ZCCHC7: variants seen among roughly 807,000 people sequenced by gnomAD.
ZCCHC7 encodes the protein zinc finger CCHC-type containing 7.
Under a neutral mutation model 52.0 loss-of-function variants are expected in ZCCHC7, and 35 were observed. That is an observed-to-expected ratio of 0.67 (90% CI 0.51 to 0.89). ZCCHC7 has a LOEUF of 0.89. Ranked by LOEUF, ZCCHC7 falls within the 40% of genes least tolerant of loss-of-function variation. The pLI is 0.00. For missense variants in ZCCHC7, 574 were observed against 649.1 expected, an observed-to-expected ratio of 0.88 and a Z score of 1.26; for synonymous variants, 217 against 221.5, an observed-to-expected ratio of 0.98 and a Z score of 0.18.
chr9:37,198,751 A>G (rs1823425793), intron 2 of ZCCHC7, among the ~76,000 whole-genome samples: 1 of 152,212 alleles, frequency 6.6e-6, no homozygotes, highest in Non-Finnish European at 1.5e-5. Flanking sequence ...ATCTTAGGGA[A>G]GAGGTAGAGG....
intron 2 of ZCCHC7, among the ~76,000 whole-genome samples, chr9:37,137,444 G>A (rs914320792): frequency 2.6e-5 from 4 of 152,188 alleles, no homozygotes; most frequent in Admixed American, 6.5e-5. Context: ...ATATGTGGCT[G>A]GATGTGATGA....
At chr9:37,152,612 G>A (rs1820591217) in intron 2 of ZCCHC7, among the ~76,000 whole-genome samples, 1 of 152,092 alleles carries the variant, frequency 6.6e-6, no homozygotes, top group South Asian at 2.1e-4. Context: ...CCCAAATTAG[G>A]ATTTGTTTGA....
At chr9:37,340,408 C>CAA (rs80043124) in intron 6 of ZCCHC7, among the ~76,000 whole-genome samples, 9 of 136,624 alleles carry the variant, frequency 6.6e-5, no homozygotes, top group African/African-American at 2.3e-4. Context: ...TGTCTGCAAC[C>CAA]AAAAAAAAAA....
chr9:37,172,504 T>A (rs959922431), intron 2 of ZCCHC7, among the ~76,000 whole-genome samples: 1 of 152,204 alleles, frequency 6.6e-6, no homozygotes, highest in African/African-American at 2.4e-5. Flanking sequence ...AAGTTATTTT[T>A]AAAGGCATTT....
chr9:37,333,684 T>C (rs965763046), intron 6 of ZCCHC7, among the ~76,000 whole-genome samples: 1 of 151,830 alleles, frequency 6.6e-6, no homozygotes, highest in Non-Finnish European at 1.5e-5. Context: ...AAAGGAATTA[T>C]AGTTAGTCAT....
chr9:37,241,771 C>G (rs1825883251), intron 2 of ZCCHC7, among the ~76,000 whole-genome samples: 1 of 151,772 alleles, frequency 6.6e-6, no homozygotes, highest in Non-Finnish European at 1.5e-5. Flanking sequence ...AAGTGCCAGG[C>G]TGTTCATTCT....
chr9:37,155,048 A>C (rs908010974), intron 2 of ZCCHC7, among the ~76,000 whole-genome samples: 1 of 152,072 alleles, frequency 6.6e-6, no homozygotes, highest in Non-Finnish European at 1.5e-5. Context: ...TTCTGGCTAC[A>C]CTGGTTATTG....
chr9:37,329,271 G>A (rs80151813), intron 6 of ZCCHC7, among the ~76,000 whole-genome samples: 7,717 of 151,552 alleles, frequency 0.051, 641 homozygotes, highest in African/African-American at 0.17. Flanking sequence ...ACCTGTGTTC[G>A]TTTATATACC....
chr9:37,163,400 AAAAAG>A (rs1421640893), intron 2 of ZCCHC7, among the ~76,000 whole-genome samples: 18 of 151,652 alleles, frequency 1.2e-4, no homozygotes, highest in Admixed American at 3.9e-4. Context: ...AAAAAAAAAA[AAAAAG>A]AAAAGAAAAA....
intron 2 of ZCCHC7, among the ~76,000 whole-genome samples, chr9:37,265,229 T>G (rs879677379): frequency 9.2e-5 from 14 of 152,342 alleles, no homozygotes; most frequent in Admixed American, 3.9e-4. Context: ...CTTCTCCTTT[T>G]TCATGCTTTC....
chr9:37,282,775 T>A lies in ZCCHC7; in HGVS notation c.611-19413T>A, dbSNP rs1037834930. On this transcript the variant is annotated intron_variant, in intron 2 of 8. Coordinates refer to ENST00000336755, the MANE Select transcript of ZCCHC7 (RefSeq NM_032226.3). ...GGCCCCAGCTACATGGAAGCATCAG[T>A]GAGCCATGTTTTTGCCACTGCACTC... Among the ~76,000 whole-genome samples the A allele has an allele frequency of 2.0e-5, 3 of 150,876 alleles. No homozygotes were observed. The Admixed American group carries it at 2.0e-4, about 10-fold the overall frequency.
chr9:37,349,209 T>G, intron 6 of ZCCHC7, 148 bp from the exon 7 acceptor site: 1 of 642,452 alleles, frequency 1.6e-6, no homozygotes, highest in Non-Finnish European at 2.7e-6. Flanking sequence ...TTATATACTT[T>G]AATATATGGA....
chr9:37,293,782 G>A (rs1828650494), intron 2 of ZCCHC7, among the ~76,000 whole-genome samples: 1 of 152,028 alleles, frequency 6.6e-6, no homozygotes, highest in African/African-American at 2.4e-5. Flanking sequence ...AGAGGTAATG[G>A]GAGATGAGGC....
At chr9:37,347,005 T>C (rs936680142) in intron 6 of ZCCHC7, among the ~76,000 whole-genome samples, 7 of 151,886 alleles carry the variant, frequency 4.6e-5, no homozygotes, top group African/African-American at 1.7e-4. Flanking sequence ...AAAAAAAAAA[T>C]TAGTTGGCAG....
intron 5 of ZCCHC7, among the ~76,000 whole-genome samples, chr9:37,310,498 CAT>C (rs1829536794): frequency 6.6e-6 from 1 of 152,146 alleles, no homozygotes; most frequent in Non-Finnish European, 1.5e-5. Flanking sequence ...ATTTAATCCT[CAT>C]AAGCAGGATA....
intron 2 of ZCCHC7, among the ~76,000 whole-genome samples, chr9:37,174,902 C>T (rs1393467011): frequency 2.6e-5 from 4 of 151,642 alleles, no homozygotes; most frequent in South Asian, 2.1e-4. Context: ...TTTGGGAGGC[C>T]GAGGCAGGCA....
At chr9:37,211,549 A>G (rs1824215449) in intron 2 of ZCCHC7, among the ~76,000 whole-genome samples, 1 of 152,088 alleles carries the variant, frequency 6.6e-6, no homozygotes, top group Non-Finnish European at 1.5e-5. Flanking sequence ...ATGTTTTGTA[A>G]TGATAGTTCT....
chr9:37,213,897 C>G (rs1328768453), intron 2 of ZCCHC7, among the ~76,000 whole-genome samples: 1 of 151,888 alleles, frequency 6.6e-6, no homozygotes, highest in African/African-American at 2.4e-5. Context: ...CAGAGTAAAT[C>G]AACAACATTG....
In ZCCHC7 at chr9:37,226,725, A is replaced by T. The variant is rs181312740; in HGVS notation, c.611-75463A>T. On this transcript the variant is annotated intron_variant, in intron 2 of 8. Transcript: ENST00000336755. ...GATTTAAATGTAAGAATTATATGAA[A>T]ATTCTAAAAGAAAACAGGATATTGG... is the stretch of plus-strand genomic sequence containing the variant. Among the ~76,000 whole-genome samples the T allele has an allele frequency of 4.8e-4, 73 of 152,314 alleles. No homozygotes were observed. The East Asian group carries it at 0.011, about 24-fold the overall frequency.
Sources: gnomAD v4.1 joint callset for allele counts (sites outside exome capture counted in the v4.1 genomes callset) on GRCh38, gnomAD v4.1.1 for gene constraint, MANE v1.5 for transcripts, NCBI Gene and HGNC (gene_info 2026-07-23, HGNC 2026-07-21) for gene names.